TSHZ2: variants seen among roughly 807,000 people sequenced by gnomAD.
TSHZ2 encodes teashirt homolog 2.
In TSHZ2, 21 loss-of-function variants were observed where a neutral mutation model predicts 74.4. The ratio of observed to expected loss-of-function variants is 0.28; its 90% CI spans 0.20 to 0.41. TSHZ2 has a LOEUF of 0.41. TSHZ2 is among the 10% of genes least tolerant of loss of function. The pLI, the probability that TSHZ2 is intolerant of heterozygous loss-of-function variation, is 1.00. For synonymous variants in TSHZ2, 540 were observed against 515.3 expected (o/e 1.05, Z -0.65); for missense variants, 1,244 against 1,293.5 (o/e 0.96, Z 0.59).
At chr20:53,460,958 G>T (rs1456713229) in intron 2 of TSHZ2, among the ~76,000 whole-genome samples, 1 of 152,180 alleles carries the variant, frequency 6.6e-6, no homozygotes, top group African/African-American at 2.4e-5. Flanking sequence ...GTCAGACAGG[G>T]ACATTTAAGT....
intron 2 of TSHZ2, among the ~76,000 whole-genome samples, chr20:53,257,289 T>G (rs754719233): frequency 1.3e-5 from 2 of 152,240 alleles, no homozygotes; most frequent in Non-Finnish European, 2.9e-5. Context: ...TTCTTGTGGA[T>G]AGACCAGTAT....
At chr20:53,118,962 G>A (rs1600699840) in intron 1 of TSHZ2, among the ~76,000 whole-genome samples, 1 of 151,982 alleles carries the variant, frequency 6.6e-6, no homozygotes, top group East Asian at 1.9e-4. Context: ...GCGAGAGGGA[G>A]AGAGAGAGAG....
chr20:53,057,417 C>CCCT (rs112933006), intron 1 of TSHZ2, among the ~76,000 whole-genome samples: 18,061 of 152,130 alleles, frequency 0.12, 1,173 homozygotes, highest in South Asian at 0.21. Flanking sequence ...TTCCCAGACG[C>CCCT]CCTACAACCT....
chr20:53,198,310 A>C, intron 1 of TSHZ2: 1 of 152,320 alleles, frequency 6.6e-6, no homozygotes, highest in East Asian at 1.9e-4. Context: ...TTCATTTTCT[A>C]AGGTTAGAGT....
intron 1 of TSHZ2, among the ~76,000 whole-genome samples, chr20:53,115,178 T>G (rs992115456): frequency 6.6e-6 from 1 of 152,198 alleles, no homozygotes; most frequent in East Asian, 1.9e-4. Flanking sequence ...TTGTGGATCA[T>G]ACCTCTAGAA....
In TSHZ2 at chr20:53,255,396, C is replaced by T. The variant is rs536653149; in HGVS notation, c.1938C>T (p.Thr646=). The change falls in exon 2 of 3, where the codon ACC becomes ACT. Residue 646 remains threonine (T), a synonymous_variant. Transcript: ENST00000371497. The surrounding 1 kb of genome is among the most constrained non-coding windows in gnomAD (Gnocchi z 4.1). The part of the protein sequence containing the change: ...KSETPPEAKK[T]ELGPLKEEEK... ...AAACACCTCCAGAAGCCAAAAAGAC[C>T]GAGCTGGGTCCCCTGAAGGAGGAGG... The T allele has an allele frequency of 2.5e-5, 40 of 1,613,842 alleles. No homozygotes were observed. Among genetic ancestry groups the T allele is most frequent in the South Asian group, 5.5e-5 (5 of 91,074 alleles).
chr20:53,259,628 T>G (rs1347053171), intron 2 of TSHZ2, among the ~76,000 whole-genome samples: 1 of 152,198 alleles, frequency 6.6e-6, no homozygotes, highest in Non-Finnish European at 1.5e-5. Flanking sequence ...AGTATTCTAG[T>G]CCAATGAGCT....
intron 2 of TSHZ2, among the ~76,000 whole-genome samples, chr20:53,358,752 T>C (rs16997981): frequency 0.1 from 15,310 of 152,240 alleles, 1,039 homozygotes; most frequent in African/African-American, 0.19. Flanking sequence ...GAGAAATAAA[T>C]TGTAGAAACC....
At chr20:53,286,909 AC>A (rs1220908027) in intron 2 of TSHZ2, among the ~76,000 whole-genome samples, 1 of 151,728 alleles carries the variant, frequency 6.6e-6, no homozygotes, top group Non-Finnish European at 1.5e-5. Context: ...ACACACACAC[AC>A]ACACACACAC....
intron 2 of TSHZ2, among the ~76,000 whole-genome samples, chr20:53,351,704 A>G (rs112821989): frequency 6.6e-6 from 1 of 152,238 alleles, no homozygotes; most frequent in Non-Finnish European, 1.5e-5. Context: ...ACTTTAAAAT[A>G]CAGAGATGAC....
intron 1 of TSHZ2, among the ~76,000 whole-genome samples, chr20:53,070,686 A>C (rs1003535593): frequency 6.6e-6 from 1 of 152,150 alleles, no homozygotes; most frequent in Non-Finnish European, 1.5e-5. Context: ...GTATTTACCA[A>C]TGTAGTGGCT....
At chr20:53,080,609 A>G (rs114792889) in intron 1 of TSHZ2, among the ~76,000 whole-genome samples, 2 of 152,118 alleles carry the variant, frequency 1.3e-5, no homozygotes, top group East Asian at 1.9e-4. Flanking sequence ...GGAATGTGCA[A>G]CCTAGATCCC....
chr20:52,991,639 T>G (rs537575366), intron 1 of TSHZ2, among the ~76,000 whole-genome samples: 106 of 151,454 alleles, frequency 7.0e-4, no homozygotes, highest in African/African-American at 2.5e-3. Context: ...TATTAGTGTG[T>G]GTTGTGGGGG....
At chr20:53,222,174 A>C (rs544819164) in intron 1 of TSHZ2, among the ~76,000 whole-genome samples, 1 of 152,302 alleles carries the variant, frequency 6.6e-6, no homozygotes, top group South Asian at 2.1e-4. Context: ...AAAAATTCCC[A>C]GCAGTCCACT....
chr20:53,349,316 G>T (rs1980555068), intron 2 of TSHZ2, among the ~76,000 whole-genome samples: 1 of 152,172 alleles, frequency 6.6e-6, no homozygotes, highest in African/African-American at 2.4e-5. Flanking sequence ...AGTCTTTTAG[G>T]TATAAGCTCT....
At chr20:53,452,418 G>A (rs1984828531) in intron 2 of TSHZ2, among the ~76,000 whole-genome samples, 1 of 152,100 alleles carries the variant, frequency 6.6e-6, no homozygotes, top group Admixed American at 6.5e-5. Flanking sequence ...TGGCCAACGT[G>A]GTGAAACCCC....
chr20:53,355,486 G>A (rs545125207), intron 2 of TSHZ2, among the ~76,000 whole-genome samples: 10 of 152,248 alleles, frequency 6.6e-5, no homozygotes, highest in African/African-American at 2.2e-4. Flanking sequence ...AAAACATTAA[G>A]CTAAGTGAAA....
intron 2 of TSHZ2, among the ~76,000 whole-genome samples, chr20:53,436,791 T>C (rs1984100973): frequency 6.6e-6 from 1 of 151,864 alleles, no homozygotes; most frequent in South Asian, 2.1e-4. Context: ...CCTCAAGTGA[T>C]CCACCTGCCT....
At chr20:53,184,942 C>T (rs1422833580) in intron 1 of TSHZ2, among the ~76,000 whole-genome samples, 2 of 152,176 alleles carry the variant, frequency 1.3e-5, no homozygotes, top group Non-Finnish European at 2.9e-5. Context: ...CTCCTGGCCT[C>T]AAGTGATCTG....
Sources: allele counts gnomAD v4.1 joint callset (sites outside exome capture counted in the v4.1 genomes callset), GRCh38; gene constraint gnomAD v4.1.1; non-coding constraint Gnocchi (gnomAD v3.1); transcripts MANE v1.5; gene names NCBI Gene and HGNC (gene_info 2026-07-23, HGNC 2026-07-21).